REV3L: variants seen among roughly 807,000 people sequenced by gnomAD.
The protein encoded by REV3L is DNA polymerase zeta catalytic subunit.
REV3L carries 69 observed loss-of-function variants against 299.4 expected under a neutral mutation model. The observed-to-expected ratio is 0.23, with a 90% confidence interval of 0.19 to 0.28. The LOEUF is 0.28. Ranked by LOEUF, REV3L falls within the 10% of genes least tolerant of loss-of-function variation. REV3L has a pLI of 1.00. For missense variants in REV3L, 3,128 were observed against 3,693.8 expected (o/e 0.85, Z 3.97); for synonymous variants, 1,238 against 1,271.4 (o/e 0.97, Z 0.56).
intron 1 of REV3L, among the ~76,000 whole-genome samples, chr6:111,429,890 T>C (rs918324810): frequency 6.6e-6 from 1 of 151,976 alleles, no homozygotes; most frequent in Non-Finnish European, 1.5e-5. Flanking sequence ...AGAGAAGCCC[T>C]TGAAGCTGGT....
At chr6:111,455,959 C>T (rs1322752563) in intron 1 of REV3L, among the ~76,000 whole-genome samples, 2 of 152,112 alleles carry the variant, frequency 1.3e-5, no homozygotes, top group Non-Finnish European at 2.9e-5. Context: ...ATCGAAACCT[C>T]GTATATGGCA....
At chr6:111,420,647 A>G (rs908435693) in intron 1 of REV3L, among the ~76,000 whole-genome samples, 7 of 152,166 alleles carry the variant, frequency 4.6e-5, no homozygotes, top group East Asian at 1.9e-4. Flanking sequence ...GAATTTTCCA[A>G]TTTGATTGAT....
intron 30 of REV3L, 85 bp downstream of exon 30, chr6:111,309,768 T>C (rs1452030536): frequency 8.2e-6 from 12 of 1,463,424 alleles, no homozygotes; most frequent in Admixed American, 2.0e-5. Context: ...CCCATATCAA[T>C]AGCACATAAA....
Position 111,375,781 on chromosome 6 carries a change from T to C in REV3L, c.2574A>G (p.Ile858Met), listed in dbSNP as rs1387695085. The change falls in exon 13 of 32, where the codon ATA becomes ATG. Residue 858 changes from isoleucine (I) to methionine (M), a missense_variant. Around this residue, in one of 9 missense-constraint regions of REV3L, gnomAD observed 2,409 missense variants for 2,611.8 expected, o/e 0.92. Coordinates refer to ENST00000368802, the MANE Select transcript of REV3L (RefSeq NM_001372078.1). ...GATTACTATTACAAGGATTATTTTG[T>C]ATAAAATTATCTTTTGTGGATCCAG... Reference protein sequence around the residue: ...SETGSTKDNFIQNNPCNSNPE... With the variant: ...SETGSTKDNFMQNNPCNSNPE... 4 of 1,613,538 alleles carry C rather than the reference T, an allele frequency of 2.5e-6. No individual in the cohort carries two copies. The East Asian group carries it at 6.7e-5, about 27-fold the overall frequency.
At chr6:111,385,599 G>A (rs1268135754) in intron 9 of REV3L, among the ~76,000 whole-genome samples, 15 of 151,658 alleles carry the variant, frequency 9.9e-5, no homozygotes, top group Admixed American at 8.5e-4. Context: ...TAAAACTGAA[G>A]ACATGTAAAA....
chr6:111,413,581 T>C (rs2128282381), intron 2 of REV3L, among the ~76,000 whole-genome samples: 1 of 152,116 alleles, frequency 6.6e-6, no homozygotes, highest in Non-Finnish European at 1.5e-5. Context: ...TAAATGTTAA[T>C]TTGGTAGCTA....
chr6:111,305,568 C>T (rs1404400343), intron 31 of REV3L, among the ~76,000 whole-genome samples: 1 of 151,490 alleles, frequency 6.6e-6, no homozygotes, highest in Non-Finnish European at 1.5e-5. Context: ...GTCTGGGTGA[C>T]AAAGTGAGAC....
intron 9 of REV3L, among the ~76,000 whole-genome samples, chr6:111,385,971 T>C (rs941984314): frequency 3.3e-5 from 5 of 152,252 alleles, no homozygotes; most frequent in African/African-American, 2.4e-5. Flanking sequence ...CTATCAAATG[T>C]TGAGGCTTTG....
At chr6:111,342,007 G>A (rs1000790156) in intron 21 of REV3L, among the ~76,000 whole-genome samples, 1 of 152,070 alleles carries the variant, frequency 6.6e-6, no homozygotes, top group African/African-American at 2.4e-5. Flanking sequence ...CTTTGCCCTA[G>A]AGAAAGGCCT....
At chr6:111,327,303 A>G (rs1407923675) in intron 25 of REV3L, among the ~76,000 whole-genome samples, 1 of 152,168 alleles carries the variant, frequency 6.6e-6, no homozygotes, top group Non-Finnish European at 1.5e-5. Flanking sequence ...ATGGTCGCTC[A>G]CACCTGTAAT....
At chr6:111,311,002 A>G in intron 29 of REV3L, 67 bp downstream of exon 29, 2 of 1,281,666 alleles carry the variant, frequency 1.6e-6, no homozygotes, top group South Asian at 2.1e-5. Context: ...CTGTCTTTTC[A>G]TTTGGGTCTT....
At chr6:111,466,777 G>A (rs905772678) in intron 1 of REV3L, among the ~76,000 whole-genome samples, 1 of 152,226 alleles carries the variant, frequency 6.6e-6, no homozygotes, top group South Asian at 2.1e-4. Flanking sequence ...AGGAGATGGA[G>A]GTTGCAGTGA....
At chr6:111,329,342 C>CTT (rs753012263) in intron 25 of REV3L, among the ~76,000 whole-genome samples, 190 bp downstream of exon 25, 18 of 139,314 alleles carry the variant, frequency 1.3e-4, no homozygotes, top group African/African-American at 2.4e-4. Flanking sequence ...CATGCCTGGC[C>CTT]TTTTTTTTTT....
At chr6:111,410,867 CT>C (rs2128280050) in intron 3 of REV3L, among the ~76,000 whole-genome samples, 1 of 152,246 alleles carries the variant, frequency 6.6e-6, no homozygotes, top group African/African-American at 2.4e-5. Flanking sequence ...TCCGAGGCCA[CT>C]TTTACCCTAG....
chr6:111,344,054 A>AT lies in REV3L; in HGVS notation c.7420-12_7420-11insA, dbSNP rs1041663781. ...GTTAGTTAGAGCCACCTAAAAAAAA[A>AT]GGCAAGACACCATTATAATAATGCT... On this transcript the variant is annotated splice_polypyrimidine_tract_variant and intron_variant, in intron 20 of 31. Transcript: ENST00000368802. 2.6e-5 allele frequency: 40 copies of AT among 1,538,614 alleles called. No individual in the cohort carries two copies. The highest frequency in any genetic ancestry group is 2.9e-5 in the Non-Finnish European group (33 of 1,124,392).
At chr6:111,371,293 T>C (rs1002132194) in intron 13 of REV3L, among the ~76,000 whole-genome samples, 8 of 152,216 alleles carry the variant, frequency 5.3e-5, no homozygotes, top group Admixed American at 4.6e-4. Flanking sequence ...GTATACACCA[T>C]AACTACTTAA....
rs757091300 is a variant in REV3L, at chr6:111,333,109, GA to G, written c.7925+13del. Reference sequence around the variant, plus strand: ...AGCACAACAATATTATTGTAAATGTGAAAAAAACCTTACTTTCCCAAGTTCT... The same window carrying G: ...AGCACAACAATATTATTGTAAATGTGAAAAAACCTTACTTTCCCAAGTTCT... On this transcript the variant is annotated intron_variant, in intron 23 of 31. Coordinates refer to ENST00000368802, the MANE Select transcript of REV3L (RefSeq NM_001372078.1). The G allele has an allele frequency of 2.5e-6, 4 of 1,611,338 alleles. No individual in the cohort carries two copies. In the African/African-American group the frequency reaches 4.0e-5, roughly 16 times the overall value.
intron 19 of REV3L, 35 bp downstream of exon 19, chr6:111,351,641 T>C (rs200569796): frequency 6.7e-7 from 1 of 1,491,184 alleles, no homozygotes; most frequent in South Asian, 1.2e-5. Flanking sequence ...ATTTGCTCTG[T>C]AGTTGAATGA....
chr6:111,339,385 T>C (rs1776257090), intron 21 of REV3L, among the ~76,000 whole-genome samples: 1 of 151,994 alleles, frequency 6.6e-6, no homozygotes, highest in Non-Finnish European at 1.5e-5. Flanking sequence ...GAAAACATGA[T>C]GAAAAGAAAA....
Sources: allele counts gnomAD v4.1 joint callset (sites outside exome capture counted in the v4.1 genomes callset), GRCh38; gene constraint gnomAD v4.1.1; regional missense constraint gnomAD v4.1.1; transcripts MANE v1.5; gene names NCBI Gene and HGNC (gene_info 2026-07-23, HGNC 2026-07-21).